Variants in TBL1XR1 observed in about 807,000 individuals in gnomAD.
The protein encoded by TBL1XR1 is F-box-like/WD repeat-containing protein TBL1XR1.
A neutral mutation model predicts 66.9 loss-of-function variants in TBL1XR1; 5 were observed. That is an observed-to-expected ratio of 0.07 (90% confidence interval 0.04 to 0.16). The LOEUF (loss-of-function observed/expected upper bound fraction) is 0.16, where lower values mean the gene tolerates loss of function less well. TBL1XR1 is among the 10% of genes least tolerant of loss of function. TBL1XR1 has a pLI of 1.00. For missense variants in TBL1XR1, 238 were observed against 623.2 expected (o/e 0.38, Z 6.58); for synonymous variants, 210 against 206.0 (o/e 1.02, Z -0.17).
At chr3:177,035,876 C>T (rs1487760010) in intron 12 of TBL1XR1, among the ~76,000 whole-genome samples, 2 of 152,140 alleles carry the variant, frequency 1.3e-5, no homozygotes, top group Non-Finnish European at 2.9e-5. Context: ...TGGCCCTATC[C>T]GCTAGTGAGA....
intron 12 of TBL1XR1, 183 bp downstream of exon 12, chr3:177,037,915 T>G (rs945312169): frequency 5.3e-6 from 3 of 565,822 alleles, no homozygotes; most frequent in African/African-American, 3.8e-5. Context: ...TCAAATAGTT[T>G]TATGTATTTC....
Position 177,098,459 on chromosome 3 carries a change from G to C in TBL1XR1, c.-46+7C>G. On this transcript the variant is annotated splice_region_variant and intron_variant, in intron 2 of 15. Transcript: ENST00000457928. ...AAACACTGACATTGGGAGTTGGAGA[G>C]TCTTACCATTGGCAGTGCATTGATG... The C allele has an allele frequency of 2.0e-6, 2 of 984,762 alleles. No homozygotes were observed. Among genetic ancestry groups the C allele is most frequent in the Non-Finnish European group, 2.4e-6 (2 of 828,968 alleles). The allele number at this position is 984,762 out of a possible 1,614,324, so 61.0% of individuals were successfully genotyped here.
chr3:177,127,503 CATT>C (rs111415450), intron 1 of TBL1XR1, among the ~76,000 whole-genome samples: 2,005 of 152,300 alleles, frequency 0.013, 48 homozygotes, highest in African/African-American at 0.046. Context: ...GGATTGCAAT[CATT>C]GTTGTTACTT....
At chr3:177,180,369 C>A (rs1734670170) in intron 1 of TBL1XR1, among the ~76,000 whole-genome samples, 1 of 68,564 alleles carries the variant, frequency 1.5e-5, no homozygotes, top group Non-Finnish European at 2.6e-5. Flanking sequence ...TAAATACGTT[C>A]ATTCCCCCCC....
In TBL1XR1 at chr3:177,023,695, T is replaced by C. The variant is rs912119934; in HGVS notation, c.*1803A>G. On this transcript the variant is annotated 3_prime_UTR_variant, in exon 16 of 16. Transcript: ENST00000457928. Reference sequence around the variant, plus strand: ...CCAAGACTTGCTTCAATCAATGCTGTTTTGTAAAAATAGCAAAGCAACGAA... The same window carrying C: ...CCAAGACTTGCTTCAATCAATGCTGCTTTGTAAAAATAGCAAAGCAACGAA... 1.3e-5 allele frequency: 2 copies of C among 152,556 alleles called. No homozygotes were observed. Among genetic ancestry groups the C allele is most frequent in the Non-Finnish European group, 2.9e-5 (2 of 67,970 alleles). The allele number at this position is 152,556 out of a possible 1,614,324, so 9.5% of individuals were successfully genotyped here.
At chr3:177,167,652 T>TG (rs1374994697) in intron 1 of TBL1XR1, among the ~76,000 whole-genome samples, 1 of 152,214 alleles carries the variant, frequency 6.6e-6, no homozygotes, top group Non-Finnish European at 1.5e-5. Flanking sequence ...TCTCTTAGGC[T>TG]GGGCGCAGTG....
At chr3:177,198,601 T>C (rs893880147), upstream of TBL1XR1, among the ~76,000 whole-genome samples, 1 of 152,130 alleles carries the variant, frequency 6.6e-6, no homozygotes, top group Non-Finnish European at 1.5e-5. Context: ...TTCTAAGACT[T>C]TCAGAAAGAT....
chr3:177,090,998 A>C (rs943733374), intron 2 of TBL1XR1, among the ~76,000 whole-genome samples: 6 of 151,912 alleles, frequency 3.9e-5, no homozygotes, highest in Non-Finnish European at 8.8e-5. Context: ...AAAAGAAGAA[A>C]AGAAAGAAAA....
intron 2 of TBL1XR1, chr3:177,079,431 TAA>T (rs558379219): frequency 7.2e-5 from 10 of 138,486 alleles, no homozygotes; most frequent in African/African-American, 8.1e-5. Flanking sequence ...AGACTCCATT[TAA>T]AAAAAAAAAA....
At chr3:177,191,386 T>A (rs1427006436) in intron 1 of TBL1XR1, among the ~76,000 whole-genome samples, 1 of 152,222 alleles carries the variant, frequency 6.6e-6, no homozygotes, top group African/African-American at 2.4e-5. Flanking sequence ...GAAGACAGAC[T>A]GCTAGGTAAC....
At chr3:177,189,874 G>A (rs960235542) in intron 1 of TBL1XR1, among the ~76,000 whole-genome samples, 4 of 151,966 alleles carry the variant, frequency 2.6e-5, no homozygotes, top group African/African-American at 9.7e-5. Flanking sequence ...TGAAACTCCA[G>A]TGCAGTCAGA....
intron 2 of TBL1XR1, among the ~76,000 whole-genome samples, chr3:177,082,403 A>C (rs1051999489): frequency 6.6e-6 from 1 of 152,014 alleles, no homozygotes; most frequent in Admixed American, 6.6e-5. Context: ...AAATAAATTT[A>C]AAAATCTTAT....
intron 12 of TBL1XR1, among the ~76,000 whole-genome samples, chr3:177,037,163 A>G (rs1714912617): frequency 6.6e-6 from 1 of 152,246 alleles, no homozygotes; most frequent in Non-Finnish European, 1.5e-5. Flanking sequence ...GTCATACCAC[A>G]GCAAAATCAA....
intron 1 of TBL1XR1, among the ~76,000 whole-genome samples, chr3:177,115,482 CCAAAAGCCTGAGGGT>C (rs1266286490): frequency 6.6e-6 from 1 of 152,090 alleles, no homozygotes; most frequent in Non-Finnish European, 1.5e-5. Context: ...ACTACCCAAC[CCAAAAGCCTGAGGGT>C]CACACCCCTT....
At chr3:177,035,118 C>T (rs1249535463) in intron 12 of TBL1XR1, among the ~76,000 whole-genome samples, 1 of 152,084 alleles carries the variant, frequency 6.6e-6, no homozygotes, top group East Asian at 1.9e-4. Context: ...TTTTGGTGCC[C>T]TATGTATTTA....
chr3:177,122,416 G>A (rs756697119), intron 1 of TBL1XR1, among the ~76,000 whole-genome samples: 1 of 152,034 alleles, frequency 6.6e-6, no homozygotes, highest in African/African-American at 2.4e-5. Context: ...AAGAAGTTCA[G>A]CATGTACCCT....
chr3:177,128,372 G>A (rs1352518290), intron 1 of TBL1XR1, among the ~76,000 whole-genome samples: 1 of 152,082 alleles, frequency 6.6e-6, no homozygotes, highest in Non-Finnish European at 1.5e-5. Flanking sequence ...CAGAGAGCAA[G>A]CATCTTTTCT....
chr3:177,102,536 A>C (rs755820109), intron 1 of TBL1XR1, among the ~76,000 whole-genome samples: 1 of 152,340 alleles, frequency 6.6e-6, no homozygotes, highest in Non-Finnish European at 1.5e-5. Flanking sequence ...GAATTACAAA[A>C]CTTAAGGTGC....
chr3:177,163,438 G>A (rs1577353991), intron 1 of TBL1XR1, among the ~76,000 whole-genome samples: 1 of 151,946 alleles, frequency 6.6e-6, no homozygotes, highest in African/African-American at 2.4e-5. Flanking sequence ...GAAACCAGGA[G>A]GTGCAAGCTG....
Sources: allele counts gnomAD v4.1 joint callset (sites outside exome capture counted in the v4.1 genomes callset), GRCh38; gene constraint gnomAD v4.1.1; transcripts MANE v1.5; gene names NCBI Gene and HGNC (gene_info 2026-07-23, HGNC 2026-07-21).